Variants in MLC1 observed in about 807,000 individuals in gnomAD.
MLC1 encodes the protein modulator of VRAC current 1.
Under a neutral mutation model 44.7 loss-of-function variants are expected in MLC1, and 32 were observed. The ratio of observed to expected loss-of-function variants is 0.72; its 90% confidence interval spans 0.54 to 0.96. The LOEUF is 0.96. MLC1 is among the 40% of genes least tolerant of loss of function. MLC1 has a pLI of 0.00. For missense variants in MLC1, 459 were observed against 492.2 expected (o/e 0.93, Z 0.64); for synonymous variants, 190 against 213.0 (o/e 0.89, Z 0.94).
At chr22:50,066,983 G>A (rs577587454) in intron 10 of MLC1, among the ~76,000 whole-genome samples, 5 of 152,256 alleles carry the variant, frequency 3.3e-5, no homozygotes, top group Admixed American at 6.5e-5. Context: ...GCGTGTGGCC[G>A]TCCCCTGCTA....
rs999659778 is a variant in MLC1 at position 50,083,411 on chromosome 22, C to A, written c.178-238G>T. On this transcript the variant is annotated intron_variant, in intron 2 of 11. Coordinates refer to ENST00000311597, the MANE Select transcript of MLC1 (RefSeq NM_015166.4). The surrounding 1 kb of genome is among the most constrained non-coding windows in gnomAD (Gnocchi z 4.6). ...CAGCCATGTCGGAGCATGGACCCCC[C>A]ACGCTGTTATCTGGAGGAGAGAAGA... Among the ~76,000 whole-genome samples, 2 of 152,132 alleles carry A rather than the reference C, an allele frequency of 1.3e-5. No individual in the cohort carries two copies. The highest frequency in any genetic ancestry group is 2.1e-4 in the South Asian group (1 of 4,822).
In MLC1 at chr22:50,061,315, T is replaced by C; in HGVS notation, c.*268A>G. ...AAGAGGCCGAGCCGGGGGCCCTTCC[T>C]CGGCCTGGGAAGTTGCGGCCATGCT... On this transcript the variant is annotated 3_prime_UTR_variant, in exon 12 of 12. Transcript: ENST00000311597. The C allele has an allele frequency of 1.9e-6, 1 of 529,130 alleles. No individual in the cohort carries two copies. The highest frequency in any genetic ancestry group is 3.4e-6 in the Non-Finnish European group (1 of 292,042). 32.8% of individuals were successfully genotyped at this position (529,130 alleles called of 1,614,324 possible). A position where few individuals can be genotyped will look rare whatever the true frequency, so the allele number is the denominator to read the frequency against.
At chr22:50,069,941 C>T (rs1279426282) in intron 9 of MLC1, among the ~76,000 whole-genome samples, 1 of 152,058 alleles carries the variant, frequency 6.6e-6, no homozygotes, top group East Asian at 1.9e-4. Flanking sequence ...GTGGCTCACA[C>T]CGGTAATCCC....
At chr22:50,084,695 C>T (rs1163444901) in intron 2 of MLC1, 31 bp downstream of exon 2, 2 of 1,611,288 alleles carry the variant, frequency 1.2e-6, no homozygotes, top group East Asian at 2.2e-5. Flanking sequence ...ATGCTCGTGG[C>T]CCTCCAAGGG....
chr22:50,070,214 A>G (rs941671414), intron 9 of MLC1, among the ~76,000 whole-genome samples: 2 of 152,186 alleles, frequency 1.3e-5, no homozygotes, highest in African/African-American at 4.8e-5. Context: ...AAAAAGAAAA[A>G]AAAACAATCG....
intron 9 of MLC1, among the ~76,000 whole-genome samples, 191 bp from the exon 10 acceptor site, chr22:50,068,746 TGAGACAAG>T (rs2061779583): frequency 7.7e-6 from 1 of 129,334 alleles, no homozygotes; most frequent in African/African-American, 2.9e-5. Context: ...TTTTTTTTTT[TGAGACAAG>T]TCTCGCTGTG....
Position 50,061,273 on chromosome 22 carries a change from T to G in MLC1, c.*310A>C. On this transcript the variant is annotated 3_prime_UTR_variant, in exon 12 of 12. Transcript: ENST00000311597. ...GGCAGGAAGAGGAGCTGGGGCCAGT[T>G]CAGGGGTGGGGCTCTCAAGAGGCCG... 2.2e-6 allele frequency: 1 copy of G among 455,280 alleles called. No individual in the cohort carries two copies. Among genetic ancestry groups the G allele is most frequent in the Non-Finnish European group, 4.1e-6 (1 of 245,620 alleles). 28.2% of individuals were successfully genotyped at this position (455,280 alleles called of 1,614,324 possible).
intron 8 of MLC1, among the ~76,000 whole-genome samples, chr22:50,073,259 A>G (rs1030928448): frequency 6.6e-6 from 1 of 152,244 alleles, no homozygotes; most frequent in Admixed American, 6.5e-5. Flanking sequence ...ATAAGAGAGC[A>G]GGGGCAAAAT....
Position 50,064,206 on chromosome 22 carries a change from C to A in MLC1, c.895-8G>T. 2 of 1,589,352 alleles carry A rather than the reference C, an allele frequency of 1.3e-6. No homozygotes were observed. Among genetic ancestry groups the A allele is most frequent in the African/African-American group, 2.7e-5 (2 of 74,916 alleles). ...CAGCACATCGTAGGATGGCTGCAGG[C>A]GGAAGGAGGTGTGAGCAGAGTGGCC... On this transcript the variant is annotated splice_region_variant and splice_polypyrimidine_tract_variant and intron_variant, in intron 10 of 11. Coordinates refer to ENST00000311597, the MANE Select transcript of MLC1 (RefSeq NM_015166.4).
Position 50,061,670 on chromosome 22 carries a change from C to T in MLC1, c.1060-13G>A. On this transcript the variant is annotated splice_polypyrimidine_tract_variant and intron_variant, in intron 11 of 11. Coordinates refer to ENST00000311597, the MANE Select transcript of MLC1 (RefSeq NM_015166.4). Reference sequence around the variant, plus strand: ...GGCTCCTGGCCACCTGCAACCGAGACAGGAAAGGTGTTACTTCACCAGGGC... The same window carrying T: ...GGCTCCTGGCCACCTGCAACCGAGATAGGAAAGGTGTTACTTCACCAGGGC... 6.2e-7 allele frequency: 1 copy of T among 1,611,908 alleles called. No individual in the cohort carries two copies. The highest frequency in any genetic ancestry group is 8.5e-7 in the Non-Finnish European group (1 of 1,178,926).
intron 3 of MLC1, among the ~76,000 whole-genome samples, chr22:50,081,822 T>C (rs1371107725): frequency 6.6e-6 from 1 of 151,530 alleles, no homozygotes; most frequent in Non-Finnish European, 1.5e-5. Context: ...TGGGCGGGGG[T>C]GGGCACTTGC....
At chr22:50,073,949 T>C (rs907345923) in intron 8 of MLC1, among the ~76,000 whole-genome samples, 4 of 152,158 alleles carry the variant, frequency 2.6e-5, no homozygotes, top group African/African-American at 9.7e-5. Flanking sequence ...GACATTCATA[T>C]GTTAAAAAGA....
At chr22:50,063,677 CCCTGAAA>C (rs2061622629) in intron 11 of MLC1, among the ~76,000 whole-genome samples, 1 of 141,544 alleles carries the variant, frequency 7.1e-6, no homozygotes, top group African/African-American at 2.6e-5. Context: ...TCCCCAGCAC[CCCTGAAA>C]CCCACAGGCC....
At chr22:50,081,009 A>AAAGAAAGAAAG (rs1555967987) in intron 3 of MLC1, among the ~76,000 whole-genome samples, 3 of 96,820 alleles carry the variant, frequency 3.1e-5, no homozygotes, top group South Asian at 3.7e-4. Context: ...TTGTCTCAAA[A>AAAGAAAGAAAG]AAAGAAAGAA....
chr22:50,083,207 GC>G lies in MLC1; in HGVS notation c.178-35del, dbSNP rs1393734246. 1.3e-6 allele frequency: 2 copies of G among 1,582,228 alleles called. No homozygotes were observed. The highest frequency in any genetic ancestry group is 2.7e-5 in the African/African-American group (2 of 74,180). On this transcript the variant is annotated intron_variant, in intron 2 of 11. Coordinates refer to ENST00000311597, the MANE Select transcript of MLC1 (RefSeq NM_015166.4). The surrounding 1 kb of genome is among the most constrained non-coding windows in gnomAD (Gnocchi z 4.6). ...CAGCGACAGAATCCCAGGTTACAAC[GC>G]GCCCCGTCCCCAGGCTGGACCCTGA...
rs1373859033 is a variant in MLC1 at position 50,084,946 on chromosome 22, G to C, written c.-44C>G. ...AGCTGTGCTGAATGTACAGCCACGT[G>C]TCACCAGTTCTTTATCTGGAATAAA... On this transcript the variant is annotated 5_prime_UTR_variant, in exon 2 of 12. Coordinates refer to ENST00000311597, the MANE Select transcript of MLC1 (RefSeq NM_015166.4). The C allele has an allele frequency of 1.2e-6, 2 of 1,604,566 alleles. No individual in the cohort carries two copies. The highest frequency in any genetic ancestry group is 1.7e-6 in the Non-Finnish European group (2 of 1,179,458).
At chr22:50,062,287 G>A (rs1344358681) in intron 11 of MLC1, among the ~76,000 whole-genome samples, 153 of 123,420 alleles carry the variant, frequency 1.2e-3, no homozygotes, top group African/African-American at 3.8e-3. Flanking sequence ...AGCCCCAGCC[G>A]TCCATCCTGA....
rs187329011 is a variant in MLC1 at position 50,083,579 on chromosome 22, C to T, written c.178-406G>A. 1.4e-4 allele frequency among the ~76,000 whole-genome samples: 21 copies of T among 152,344 alleles called. No homozygotes were observed. The East Asian group carries it at 2.1e-3, about 15-fold the overall frequency. Reference sequence around the variant, plus strand: ...TGGAAAACAACTGCCCATCCCCCTCCGTCTGCAGAACCTAATTTCCAGATC... The same window carrying T: ...TGGAAAACAACTGCCCATCCCCCTCTGTCTGCAGAACCTAATTTCCAGATC... On this transcript the variant is annotated intron_variant, in intron 2 of 11. Transcript: ENST00000311597. This position sits in a 1 kb window ranked among gnomAD's most constrained non-coding sequence, Gnocchi z 4.6.
Position 50,077,434 on chromosome 22 carries a change from T to A in MLC1, c.492A>T (p.Ala164=). 6.2e-7 allele frequency: 1 copy of A among 1,613,900 alleles called. No individual in the cohort carries two copies. Among genetic ancestry groups the A allele is most frequent in the Non-Finnish European group, 8.5e-7 (1 of 1,180,024 alleles). ...TCTTGCAGTCCTCCTCGCTGGACCG[T>A]GCAGCGATGATCACCGTGGCCGCCA... ...LLMAATVIIA[A]RSSEEDCKKK... The change falls in exon 6 of 12, where the codon GCA becomes GCT. Residue 164 remains alanine, a synonymous_variant. Coordinates refer to ENST00000311597, the MANE Select transcript of MLC1 (RefSeq NM_015166.4).
Sources: allele counts gnomAD v4.1 joint callset (sites outside exome capture counted in the v4.1 genomes callset), GRCh38; gene constraint gnomAD v4.1.1; non-coding constraint Gnocchi (gnomAD v3.1); transcripts MANE v1.5; gene names NCBI Gene and HGNC (gene_info 2026-07-23, HGNC 2026-07-21).